The following AHI1 variants were observed in gnomAD, a reference collection of about 807,000 sequenced individuals.
The protein encoded by AHI1 is Abelson helper integration site 1, also known as jouberin.
In AHI1, 123 loss-of-function variants were observed where a neutral mutation model predicts 149.3. The observed-to-expected ratio is 0.82, with a 90% confidence interval of 0.71 to 0.96. The LOEUF is 0.96. AHI1 is among the 40% of genes least tolerant of loss of function. The pLI is 0.00. For missense variants in AHI1, 1,439 were observed against 1,422.7 expected (o/e 1.01, Z -0.18); for synonymous variants, 475 against 459.8 (o/e 1.03, Z -0.42).
At chr6:135,288,368 C>CT (rs1473360958) in intron 28 of AHI1, among the ~76,000 whole-genome samples, 4 of 151,944 alleles carry the variant, frequency 2.6e-5, no homozygotes, top group African/African-American at 9.7e-5. Flanking sequence ...GTAGCTGTAA[C>CT]TTTGAAACCT....
chr6:135,297,273 T>G (rs540355608), intron 27 of AHI1, among the ~76,000 whole-genome samples: 1 of 152,278 alleles, frequency 6.6e-6, no homozygotes, highest in Non-Finnish European at 1.5e-5. Context: ...CTATCCTGTT[T>G]TTTTCTCCCA....
Position 135,455,825 on chromosome 6 carries a change from G to A in AHI1, c.1253C>T (p.Pro418Leu). 6.2e-7 allele frequency: 1 copy of A among 1,600,460 alleles called. No homozygotes were observed. Among genetic ancestry groups the A allele is most frequent in the Non-Finnish European group, 8.5e-7 (1 of 1,172,216 alleles). ...AAATACAATTTGTTCTTCCCACTCT[G>A]GAAGTCTTGATTTTAACTGTTTAAA... Reference protein sequence around the residue: ...YDFKQLKSRLPEWEEQIVFNE... With the variant: ...YDFKQLKSRLLEWEEQIVFNE... Residue 418 changes from proline to leucine, a missense_variant, in exon 10 of 29, where the codon CCA (proline) becomes CTA (leucine). Physicochemically the swap from Pro to Leu is moderately conservative, Grantham distance 98. Transcript: ENST00000265602.
chr6:135,468,830 C>T (rs895129160), intron 5 of AHI1, among the ~76,000 whole-genome samples: 2 of 152,076 alleles, frequency 1.3e-5, no homozygotes, highest in African/African-American at 4.8e-5. Context: ...AGACTAATAA[C>T]AAGTTCTGAA....
At chr6:135,483,744 T>C (rs1157619071) in intron 5 of AHI1, among the ~76,000 whole-genome samples, 1 of 152,328 alleles carries the variant, frequency 6.6e-6, no homozygotes, top group East Asian at 1.9e-4. Flanking sequence ...GCCCCTCTTA[T>C]CTAATTCCTG....
At chr6:135,351,596 T>C (rs139906022) in intron 24 of AHI1, among the ~76,000 whole-genome samples, 209 of 152,326 alleles carry the variant, frequency 1.4e-3, no homozygotes, top group African/African-American at 4.9e-3. Flanking sequence ...ACCGTAGGCA[T>C]ATTTAGGAAC....
intron 5 of AHI1, among the ~76,000 whole-genome samples, chr6:135,475,434 A>G (rs1411731510): frequency 6.6e-6 from 1 of 152,198 alleles, no homozygotes; most frequent in Non-Finnish European, 1.5e-5. Context: ...AGTGTTTCTA[A>G]ATGCCTGAAG....
At chr6:135,352,446 A>C (rs534170074) in intron 24 of AHI1, among the ~76,000 whole-genome samples, 1 of 152,108 alleles carries the variant, frequency 6.6e-6, no homozygotes, top group East Asian at 1.9e-4. Context: ...TCTTTTAAAA[A>C]TCCCATCCTT....
chr6:135,345,699 TG>T lies in AHI1; in HGVS notation c.3165+12432del, dbSNP rs369233581. Among the ~76,000 whole-genome samples, 5 of 151,942 alleles carry T rather than the reference TG, an allele frequency of 3.3e-5. No individual in the cohort carries two copies. In the South Asian group the frequency reaches 8.3e-4, roughly 25 times the overall value. On this transcript the variant is annotated intron_variant, in intron 24 of 28. Transcript: ENST00000265602. Reference sequence around the variant, plus strand: ...TTGCTAATGAGTACGGGATTTCTTCTGGGGGGGCAACGAATGTTTTAAAATT... The same window carrying T: ...TTGCTAATGAGTACGGGATTTCTTCTGGGGGGCAACGAATGTTTTAAAATT...
chr6:135,472,811 T>G (rs927298452), intron 5 of AHI1, among the ~76,000 whole-genome samples: 2 of 152,162 alleles, frequency 1.3e-5, no homozygotes, highest in Admixed American at 1.3e-4. Flanking sequence ...AGTGTCCAAA[T>G]CTTTTGCCCT....
chr6:135,459,012 T>G (rs1278382252), intron 8 of AHI1, among the ~76,000 whole-genome samples: 1 of 152,148 alleles, frequency 6.6e-6, no homozygotes, highest in East Asian at 1.9e-4. Context: ...AAAAAATTAA[T>G]AAGAAGAACT....
Position 135,457,702 on chromosome 6 carries a change from T to G in AHI1, c.943A>C (p.Asn315His). ...KKKTKAVADN[N>H]EDVDGDGVHE... ...ACACCATCACCATCAACATCTTCAT[T>G]ATTATCTGCAACTACACGCATGGAA... The change falls in exon 9 of 29, where the codon AAT (asparagine) becomes CAT (histidine). Residue 315 changes from asparagine to histidine, a missense_variant. Asn to His is a moderately conservative substitution (Grantham distance 68, BLOSUM62 1). Coordinates refer to ENST00000265602, the MANE Select transcript of AHI1 (RefSeq NM_001134831.2). 1 of 1,613,852 alleles carries G rather than the reference T, an allele frequency of 6.2e-7. No homozygotes were observed. Among genetic ancestry groups the G allele is most frequent in the Non-Finnish European group, 8.5e-7 (1 of 1,179,780 alleles).
Position 135,453,365 on chromosome 6 carries a change from C to T in AHI1, c.1416G>A (p.Arg472=). 6.4e-7 allele frequency: 1 copy of T among 1,561,756 alleles called. No individual in the cohort carries two copies. Among genetic ancestry groups the T allele is most frequent in the Non-Finnish European group, 8.7e-7 (1 of 1,151,648 alleles). The change falls in exon 11 of 29, where the codon CGG becomes CGA. Residue 472 remains arginine, a synonymous_variant. Coordinates refer to ENST00000265602, the MANE Select transcript of AHI1 (RefSeq NM_001134831.2). ...SEVQNQECGF[R]KIAWAFLKLL... Reference sequence around the variant, plus strand: ...CCTTAAGAAATGCCCAGGCAATTTTCCGAAAGCCACATTCTTGGTTTTGAA... The same window carrying T: ...CCTTAAGAAATGCCCAGGCAATTTTTCGAAAGCCACATTCTTGGTTTTGAA...
intron 23 of AHI1, among the ~76,000 whole-genome samples, chr6:135,392,026 T>C (rs1778583262): frequency 6.6e-6 from 1 of 151,806 alleles, no homozygotes; most frequent in Non-Finnish European, 1.5e-5. Flanking sequence ...AACCCAAGAG[T>C]TCCATTGGAA....
intron 23 of AHI1, among the ~76,000 whole-genome samples, chr6:135,375,019 G>A (rs1775692945): frequency 6.6e-6 from 1 of 152,136 alleles, no homozygotes; most frequent in Admixed American, 6.5e-5. Flanking sequence ...CATGTTTAAG[G>A]CAGGCTAGGC....
chr6:135,319,001 G>C (rs1786402530), intron 25 of AHI1, among the ~76,000 whole-genome samples: 1 of 152,174 alleles, frequency 6.6e-6, no homozygotes, highest in African/African-American at 2.4e-5. Flanking sequence ...CATTAGCAAG[G>C]AGCTTACAGT....
chr6:135,467,277 A>G (rs926323201), intron 6 of AHI1, among the ~76,000 whole-genome samples: 2 of 152,252 alleles, frequency 1.3e-5, no homozygotes, highest in African/African-American at 4.8e-5. Flanking sequence ...AAAGGAAGGT[A>G]GCACAATGAA....
chr6:135,394,901 AT>A lies in AHI1; in HGVS notation c.2989-6del. On this transcript the variant is annotated splice_polypyrimidine_tract_variant and splice_region_variant and intron_variant, in intron 22 of 28. Coordinates refer to ENST00000265602, the MANE Select transcript of AHI1 (RefSeq NM_001134831.2). ...AAATGAGAGATTTTTGTTGACCTGT[AT>A]TAGGAAAACAAATCAGAAACTACAG... 1 of 1,590,722 alleles carries A rather than the reference AT, an allele frequency of 6.3e-7. No homozygotes were observed. The highest frequency in any genetic ancestry group is 8.6e-7 in the Non-Finnish European group (1 of 1,167,108).
intron 23 of AHI1, among the ~76,000 whole-genome samples, chr6:135,374,286 G>T (rs1775573485): frequency 6.6e-6 from 1 of 150,876 alleles, no homozygotes; most frequent in African/African-American, 2.4e-5. Flanking sequence ...CTAATTTTTT[G>T]TATTTTTAGT....
intron 28 of AHI1, among the ~76,000 whole-genome samples, chr6:135,286,747 A>C (rs1019243201): frequency 1.3e-5 from 2 of 152,238 alleles, no homozygotes; most frequent in Non-Finnish European, 2.9e-5. Flanking sequence ...TAAATTTGTT[A>C]AACAGAGCTA....
Sources: gnomAD v4.1 joint callset for allele counts (sites outside exome capture counted in the v4.1 genomes callset) on GRCh38, gnomAD v4.1.1 for gene constraint, MANE v1.5 for transcripts, NCBI Gene and HGNC (gene_info 2026-07-23, HGNC 2026-07-21) for gene names.